SMYD3: variants seen among roughly 807,000 people sequenced by gnomAD.
SMYD3 encodes the protein histone-lysine N-methyltransferase SMYD3.
SMYD3 carries 36 observed loss-of-function variants against 57.7 expected under a neutral mutation model. The ratio of observed to expected loss-of-function variants is 0.62; its 90% CI spans 0.48 to 0.82. SMYD3 has a LOEUF of 0.82. SMYD3 is among the 40% of genes least tolerant of loss of function. SMYD3 has a pLI of 0.00. For missense variants in SMYD3, 515 were observed against 538.8 expected (o/e 0.96, Z 0.44); for synonymous variants, 211 against 195.0 (o/e 1.08, Z -0.68).
intron 7 of SMYD3, among the ~76,000 whole-genome samples, chr1:245,918,703 A>G (rs1418134733): frequency 6.6e-6 from 1 of 152,204 alleles, no homozygotes; most frequent in Non-Finnish European, 1.5e-5. Flanking sequence ...TTCATCTTAT[A>G]CTATCAGGCT....
intron 1 of SMYD3, among the ~76,000 whole-genome samples, chr1:246,412,773 G>T (rs61288743): frequency 0.049 from 7,386 of 150,654 alleles, 638 homozygotes; most frequent in African/African-American, 0.17. Context: ...CAGGAGAATG[G>T]CTTGAACTCG....
chr1:246,133,789 T>C (rs923373937), intron 5 of SMYD3, among the ~76,000 whole-genome samples: 5 of 151,990 alleles, frequency 3.3e-5, no homozygotes, highest in African/African-American at 1.2e-4. Context: ...TCAACTACTG[T>C]CAAAAAAAAG....
intron 1 of SMYD3, among the ~76,000 whole-genome samples, chr1:246,499,388 A>G (rs1182399395): frequency 7.8e-6 from 1 of 127,402 alleles, no homozygotes; most frequent in East Asian, 2.3e-4. Context: ...TTAAGTAACC[A>G]AACCATCAAA....
intron 1 of SMYD3, among the ~76,000 whole-genome samples, chr1:246,387,630 G>A (rs527891361): frequency 6.6e-6 from 1 of 152,318 alleles, no homozygotes; most frequent in East Asian, 1.9e-4. Flanking sequence ...GAGACCTGAA[G>A]CAAAGCAGCA....
At chr1:246,261,707 T>A (rs923073179) in intron 5 of SMYD3, among the ~76,000 whole-genome samples, 8 of 151,052 alleles carry the variant, frequency 5.3e-5, no homozygotes, top group Non-Finnish European at 1.0e-4. Flanking sequence ...AATAAGAATT[T>A]AAAAAAAAAA....
chr1:246,004,918 C>T (rs140388376), intron 5 of SMYD3, among the ~76,000 whole-genome samples: 255 of 152,306 alleles, frequency 1.7e-3, no homozygotes, highest in African/African-American at 5.5e-3. Flanking sequence ...AATCATGACT[C>T]GCTGCAGCCT....
chr1:246,503,404 A>G (rs1572064548), intron 1 of SMYD3, among the ~76,000 whole-genome samples: 1 of 152,312 alleles, frequency 6.6e-6, no homozygotes, highest in Non-Finnish European at 1.5e-5. Flanking sequence ...AAAGACAAAC[A>G]TACAGCGACT....
At chr1:246,097,770 C>T (rs557157080) in intron 5 of SMYD3, among the ~76,000 whole-genome samples, 33 of 152,126 alleles carry the variant, frequency 2.2e-4, no homozygotes, top group African/African-American at 7.0e-4. Context: ...GAGGAGTGTC[C>T]GGGGCCCTAG....
rs376387997 is a variant in SMYD3 at position 245,849,629 on chromosome 1, CTTTATTTTA to C, written c.1076+8858_1076+8866del. On this transcript the variant is annotated intron_variant, in intron 10 of 11. Transcript: ENST00000490107. ...AATTAGGAGCTCTGCTATTTACCAT[CTTTATTTTA>C]TTTATTTTATTTTATATTATTTATT... Among the ~76,000 whole-genome samples the C allele has an allele frequency of 4.2e-3, 621 of 149,488 alleles. 3 individuals are homozygous for C. The highest frequency in any genetic ancestry group is 0.015 in the African/African-American group (603 of 40,712).
At chr1:246,356,312 G>A (rs1382434566) in intron 1 of SMYD3, among the ~76,000 whole-genome samples, 1 of 152,074 alleles carries the variant, frequency 6.6e-6, no homozygotes, top group Non-Finnish European at 1.5e-5. Flanking sequence ...TGAGTCCCAT[G>A]TCTCCCCTCT....
chr1:246,205,831 A>C (rs73147213), intron 5 of SMYD3, among the ~76,000 whole-genome samples: 19,808 of 151,940 alleles, frequency 0.13, 3,397 homozygotes, highest in African/African-American at 0.39. Flanking sequence ...AAAACAACAA[A>C]GACAACAACA....
rs184532355 is a variant in SMYD3, at chr1:246,493,770, A to G, written c.164+13284T>C. 2.0e-4 allele frequency among the ~76,000 whole-genome samples: 29 copies of G among 147,588 alleles called. No individual in the cohort carries two copies. The East Asian group carries it at 5.5e-3, about 28-fold the overall frequency. On this transcript the variant is annotated intron_variant, in intron 1 of 11. Coordinates refer to ENST00000490107, the MANE Select transcript of SMYD3 (RefSeq NM_001167740.2). ...CAGCACTCACCCTTCACCACAGAGC[A>G]GTACTGTCACCACTATTCCAATAGT... is the stretch of plus-strand genomic sequence containing the variant.
chr1:246,152,750 TTTG>T (rs1282194088), intron 5 of SMYD3, among the ~76,000 whole-genome samples: 1 of 152,190 alleles, frequency 6.6e-6, no homozygotes, highest in African/African-American at 2.4e-5. Flanking sequence ...ATTACGTATT[TTTG>T]TTGTTGTTTT....
intron 5 of SMYD3, among the ~76,000 whole-genome samples, chr1:246,248,127 G>A (rs1315931218): frequency 6.6e-6 from 1 of 152,164 alleles, no homozygotes; most frequent in Admixed American, 6.5e-5. Flanking sequence ...CGGATACTGA[G>A]CCACTGATAA....
intron 10 of SMYD3, among the ~76,000 whole-genome samples, chr1:245,816,904 G>A (rs4620506): frequency 0.11 from 14,677 of 137,702 alleles, 2,359 homozygotes; most frequent in African/African-American, 0.34. Context: ...CCTACCCGAC[G>A]GAGTCTCGCT....
At chr1:246,322,356 G>A (rs922517665) in intron 5 of SMYD3, 1 of 151,620 alleles carries the variant, frequency 6.6e-6, no homozygotes, top group African/African-American at 2.4e-5. Flanking sequence ...AACAGGGTGA[G>A]ACCCTATTCC....
intron 7 of SMYD3, among the ~76,000 whole-genome samples, chr1:245,923,704 A>G (rs570647858): frequency 1.7e-4 from 26 of 151,964 alleles, no homozygotes; most frequent in Admixed American, 3.9e-4. Flanking sequence ...CCCTCCCCTT[A>G]CTAATCACTC....
chr1:246,283,952 T>C (rs2064503686), intron 5 of SMYD3, among the ~76,000 whole-genome samples: 1 of 152,184 alleles, frequency 6.6e-6, no homozygotes, highest in African/African-American at 2.4e-5. Context: ...ATGTAGCACA[T>C]TAATATTTGA....
chr1:245,857,310 C>G (rs986304646), intron 10 of SMYD3, among the ~76,000 whole-genome samples: 13 of 152,220 alleles, frequency 8.5e-5, no homozygotes, highest in Non-Finnish European at 1.3e-4. Flanking sequence ...AAGCTCCTGG[C>G]TCACGCCTGG....
Sources: allele counts gnomAD v4.1 joint callset (sites outside exome capture counted in the v4.1 genomes callset), GRCh38; gene constraint gnomAD v4.1.1; transcripts MANE v1.5; gene names NCBI Gene and HGNC (gene_info 2026-07-23, HGNC 2026-07-21).